Variants in CNGB3 observed in about 807,000 individuals in gnomAD.
The protein encoded by CNGB3 is cyclic nucleotide-gated channel beta-3.
CNGB3 carries 86 observed loss-of-function variants against 92.8 expected under a neutral mutation model. That is an observed-to-expected ratio of 0.93 (90% CI 0.78 to 1.11). The LOEUF is 1.11. Among genes scored for constraint, CNGB3 ranks in the 50% least tolerant of loss-of-function variants. The probability of loss-of-function intolerance (pLI) is 0.00; values close to 1 mark genes in which losing one functional copy is unlikely to be tolerated. For missense variants in CNGB3, 1,026 were observed against 956.8 expected (o/e 1.07, Z -0.95); for synonymous variants, 333 against 332.7 (o/e 1.00, Z -0.01).
intron 4 of CNGB3, 24 bp downstream of exon 4, chr8:86,670,920 G>C (rs1270439519): frequency 1.2e-6 from 2 of 1,611,666 alleles, no homozygotes; most frequent in East Asian, 2.2e-5. Context: ...TTTCTTCCCA[G>C]TACTTGGAGG....
intron 15 of CNGB3, among the ~76,000 whole-genome samples, chr8:86,587,340 A>G (rs1821919610): frequency 6.6e-6 from 1 of 152,082 alleles, no homozygotes; most frequent in South Asian, 2.1e-4. Context: ...TCTTTAGTTT[A>G]ATTAGATCCC....
At chr8:86,712,343 T>G (rs1824765418) in intron 3 of CNGB3, among the ~76,000 whole-genome samples, 1 of 152,142 alleles carries the variant, frequency 6.6e-6, no homozygotes, top group Non-Finnish European at 1.5e-5. Context: ...ACTTCTGAAT[T>G]TTGAATTTTA....
intron 3 of CNGB3, among the ~76,000 whole-genome samples, chr8:86,724,851 A>G (rs1825032663): frequency 6.6e-6 from 1 of 152,064 alleles, no homozygotes; most frequent in Non-Finnish European, 1.5e-5. Flanking sequence ...TGACAAATAC[A>G]AGAGACTGAA....
chr8:86,673,680 G>T lies in CNGB3; in HGVS notation c.339-2582C>A, dbSNP rs1823909907. On this transcript the variant is annotated intron_variant, in intron 3 of 17. Transcript: ENST00000320005. ...TGGAGCTTTTGGATAATTCAAAGAAGAAATCAAGAATGACTAAGTTTCTAT... is the reference window on the plus strand; with the variant it reads ...TGGAGCTTTTGGATAATTCAAAGAATAAATCAAGAATGACTAAGTTTCTAT... Among the ~76,000 whole-genome samples the T allele has an allele frequency of 2.0e-5, 3 of 152,188 alleles. No homozygotes were observed. In the South Asian group the frequency reaches 6.2e-4, roughly 31 times the overall value.
At chr8:86,672,460 A>G (rs1484559521) in intron 3 of CNGB3, among the ~76,000 whole-genome samples, 4 of 152,196 alleles carry the variant, frequency 2.6e-5, no homozygotes, top group Non-Finnish European at 5.9e-5. Flanking sequence ...AGTAGACATT[A>G]GGATACTTCA....
chr8:86,625,772 C>A (rs1161925215), intron 13 of CNGB3, among the ~76,000 whole-genome samples: 1 of 151,454 alleles, frequency 6.6e-6, no homozygotes, highest in Non-Finnish European at 1.5e-5. Flanking sequence ...TTTTTGACAC[C>A]AATTAGAAGA....
chr8:86,606,103 TG>T (rs1184446682), intron 14 of CNGB3, among the ~76,000 whole-genome samples: 1 of 152,014 alleles, frequency 6.6e-6, no homozygotes, highest in Non-Finnish European at 1.5e-5. Context: ...GTTTAAGTTT[TG>T]CATTGTGTAA....
rs761093135 is a variant in CNGB3 at position 86,726,665 on chromosome 8, A to G, written c.212-8T>C. ...TTTTCTTGGAGAGTTTGTCTATGAAAAAAAAATTCACATAGATAGAAGAAT... is the reference window on the plus strand; with the variant it reads ...TTTTCTTGGAGAGTTTGTCTATGAAGAAAAAATTCACATAGATAGAAGAAT... On this transcript the variant is annotated splice_polypyrimidine_tract_variant and splice_region_variant and intron_variant, in intron 2 of 17. Coordinates refer to ENST00000320005, the MANE Select transcript of CNGB3 (RefSeq NM_019098.5). The G allele has an allele frequency of 3.7e-6, 6 of 1,613,576 alleles. No individual in the cohort carries two copies. The highest frequency in any genetic ancestry group is 1.1e-5 in the South Asian group (1 of 91,078).
intron 2 of CNGB3, among the ~76,000 whole-genome samples, chr8:86,733,544 T>C (rs1166020071): frequency 1.1e-4 from 16 of 152,230 alleles, no homozygotes; most frequent in Admixed American, 1.0e-3. Flanking sequence ...TAAAAAGTTA[T>C]ATACATTTTG....
chr8:86,689,288 G>C (rs1027242150), intron 3 of CNGB3, among the ~76,000 whole-genome samples: 1 of 151,674 alleles, frequency 6.6e-6, no homozygotes, highest in Non-Finnish European at 1.5e-5. Flanking sequence ...AATTTCATTA[G>C]TTCTGTTTGG....
At chr8:86,600,606 T>C (rs1013103393) in intron 15 of CNGB3, among the ~76,000 whole-genome samples, 2 of 150,324 alleles carry the variant, frequency 1.3e-5, no homozygotes, top group South Asian at 2.1e-4. Flanking sequence ...CTAGTTCCTT[T>C]TTTTTTTCTT....
intron 11 of CNGB3, 152 bp downstream of exon 11, chr8:86,632,600 A>G (rs1822983537): frequency 4.0e-6 from 3 of 757,032 alleles, no homozygotes; most frequent in South Asian, 1.8e-5. Flanking sequence ...TGATCTAATC[A>G]CATCCTCCTT....
chr8:86,622,814 T>C (rs1822766238), intron 13 of CNGB3, among the ~76,000 whole-genome samples: 1 of 152,248 alleles, frequency 6.6e-6, no homozygotes, highest in Non-Finnish European at 1.5e-5. Context: ...TATTCAGTAA[T>C]TTTAAATTTT....
chr8:86,738,656 A>T (rs1268633317), intron 2 of CNGB3, among the ~76,000 whole-genome samples: 4 of 146,682 alleles, frequency 2.7e-5, no homozygotes, highest in African/African-American at 1.0e-4. Flanking sequence ...TGGCTAACAC[A>T]GTGAAACCCC....
chr8:86,643,745 A>G lies in CNGB3; in HGVS notation c.1178+6T>C, dbSNP rs151236891. The G allele has an allele frequency of 3.5e-5, 56 of 1,604,842 alleles. No homozygotes were observed. In the African/African-American group the frequency reaches 4.3e-4, roughly 12 times the overall value. The stretch of plus-strand genomic sequence containing the variant: ...AATAAAGGTTTCTTTCAAAATCAGA[A>G]CTTACTCGTTTCCTTCCCCATCATA... On this transcript the variant is annotated splice_donor_region_variant and intron_variant, in intron 10 of 17. Transcript: ENST00000320005.
chr8:86,615,474 G>A (rs573169276), intron 13 of CNGB3, among the ~76,000 whole-genome samples: 7 of 151,898 alleles, frequency 4.6e-5, no homozygotes, highest in African/African-American at 1.7e-4. Flanking sequence ...ATGGTGACAC[G>A]TGACTGTAAT....
intron 3 of CNGB3, among the ~76,000 whole-genome samples, chr8:86,711,965 T>G (rs1824759670): frequency 6.6e-6 from 1 of 151,930 alleles, no homozygotes; most frequent in Non-Finnish European, 1.5e-5. Context: ...CTGTTTTGAG[T>G]ACCAGGATCA....
At chr8:86,637,210 G>A (rs181286079) in intron 10 of CNGB3, among the ~76,000 whole-genome samples, 1 of 152,236 alleles carries the variant, frequency 6.6e-6, no homozygotes, top group Admixed American at 6.5e-5. Context: ...ACAATTTATT[G>A]GAGAGACTAT....
intron 15 of CNGB3, among the ~76,000 whole-genome samples, chr8:86,580,194 G>GGT (rs367811499): frequency 6.6e-6 from 1 of 150,712 alleles, no homozygotes; most frequent in African/African-American, 2.5e-5. Context: ...ATAGCACGGG[G>GGT]GGGGTGGCGG....
Sources: allele counts gnomAD v4.1 joint callset (sites outside exome capture counted in the v4.1 genomes callset), GRCh38; gene constraint gnomAD v4.1.1; transcripts MANE v1.5; gene names NCBI Gene and HGNC (gene_info 2026-07-23, HGNC 2026-07-21).